NRXN3: variants seen among roughly 807,000 people sequenced by gnomAD.
The protein encoded by NRXN3 is neurexin 3, also known as neurexin III.
Under a neutral mutation model 137.6 loss-of-function variants are expected in NRXN3, and 32 were observed. That is an observed-to-expected ratio of 0.23 (90% CI 0.18 to 0.31). The LOEUF (loss-of-function observed/expected upper bound fraction) is 0.31, where lower values mean the gene tolerates loss of function less well. NRXN3 is among the 10% of genes least tolerant of loss of function. The pLI is 1.00. For missense variants in NRXN3, 1,574 were observed against 2,062.5 expected, an observed-to-expected ratio of 0.76 and a Z score of 4.59; for synonymous variants, 798 against 784.5, an observed-to-expected ratio of 1.02 and a Z score of -0.29.
At chr14:79,648,413 G>A (rs1328953818) in intron 16 of NRXN3, among the ~76,000 whole-genome samples, 1 of 134,944 alleles carries the variant, frequency 7.4e-6, no homozygotes, top group Non-Finnish European at 1.7e-5. Flanking sequence ...AGCTGTTCAC[G>A]AGAGATCTGA....
At chr14:79,257,106 G>A (rs941358068) in intron 15 of NRXN3, among the ~76,000 whole-genome samples, 4 of 152,122 alleles carry the variant, frequency 2.6e-5, no homozygotes, top group African/African-American at 9.7e-5. Context: ...CTGGGAAGAA[G>A]GTGGTAGGCT....
rs541054958 is a variant in NRXN3 at position 78,651,273 on chromosome 14, G to A, written c.1168G>A (p.Ala390Thr). The A allele has an allele frequency of 1.7e-5, 27 of 1,614,030 alleles. No individual in the cohort carries two copies. The highest frequency in any genetic ancestry group is 6.7e-5 in the Admixed American group (4 of 60,024). ...CTATGTAGGAGGAAGCCCAAGTACC[G>A]CTGACTTGCCTGGCTCCCCTGTCAG... is the stretch of plus-strand genomic sequence containing the variant. ...FFYVGGSPST[A>T]DLPGSPVSNN... Residue 390 changes from alanine (A) to threonine (T), a missense_variant, in exon 6 of 21, where the codon GCT becomes ACT. Around this residue, in one of 5 missense-constraint regions of NRXN3, gnomAD observed 400 missense variants for 527.3 expected, o/e 0.76. Transcript: ENST00000335750.
At chr14:79,502,139 C>T (rs1176702959) in intron 16 of NRXN3, among the ~76,000 whole-genome samples, 1 of 152,154 alleles carries the variant, frequency 6.6e-6, no homozygotes, top group Non-Finnish European at 1.5e-5. Context: ...GCATGATCAT[C>T]ACAAAGAATT....
intron 15 of NRXN3, among the ~76,000 whole-genome samples, chr14:79,373,599 A>G (rs2094175532): frequency 6.6e-6 from 1 of 152,206 alleles, no homozygotes; most frequent in East Asian, 1.9e-4. Flanking sequence ...TTTCAATAAT[A>G]TACGGTTCAG....
At chr14:79,684,840 G>A (rs1434779206) in intron 17 of NRXN3, among the ~76,000 whole-genome samples, 2 of 152,074 alleles carry the variant, frequency 1.3e-5, no homozygotes, top group Non-Finnish European at 2.9e-5. Flanking sequence ...GGAGGAAGAG[G>A]GTAGATAGAA....
At chr14:78,909,892 C>A (rs997310004) in intron 10 of NRXN3, among the ~76,000 whole-genome samples, 1 of 152,080 alleles carries the variant, frequency 6.6e-6, no homozygotes, top group Non-Finnish European at 1.5e-5. Context: ...ATCTGTCAAT[C>A]TGTCTACACA....
intron 15 of NRXN3, among the ~76,000 whole-genome samples, chr14:79,345,175 C>A (rs1266602713): frequency 6.6e-6 from 1 of 152,006 alleles, no homozygotes; most frequent in African/African-American, 2.4e-5. Context: ...GCCTTGTGGT[C>A]TCTGTGGCAC....
intron 4 of NRXN3, among the ~76,000 whole-genome samples, chr14:78,602,055 C>A (rs2152437439): frequency 6.6e-6 from 1 of 152,262 alleles, no homozygotes; most frequent in Non-Finnish European, 1.5e-5. Flanking sequence ...ATTTGCTGTT[C>A]TGCATGCATC....
intron 8 of NRXN3, among the ~76,000 whole-genome samples, chr14:78,794,606 TTG>T (rs144494895): frequency 0.036 from 5,331 of 146,292 alleles, 229 homozygotes; most frequent in African/African-American, 0.1. Flanking sequence ...TCTATTCTAT[TTG>T]TGTGTGTGTG....
chr14:79,698,801 C>T (rs1412239029), intron 19 of NRXN3, among the ~76,000 whole-genome samples: 1 of 151,984 alleles, frequency 6.6e-6, no homozygotes, highest in Admixed American at 6.6e-5. Flanking sequence ...AGTAGATTAG[C>T]ACTTGTCCTG....
intron 15 of NRXN3, among the ~76,000 whole-genome samples, chr14:79,109,082 G>A (rs2053001232): frequency 6.6e-6 from 1 of 152,176 alleles, no homozygotes; most frequent in African/African-American, 2.4e-5. Context: ...ATTCTTTTAA[G>A]TAATAGATGT....
intron 15 of NRXN3, among the ~76,000 whole-genome samples, chr14:79,022,666 C>G (rs2099591608): frequency 6.6e-6 from 1 of 152,136 alleles, no homozygotes; most frequent in African/African-American, 2.4e-5. Flanking sequence ...GTCCATGCCT[C>G]CCTGATGGAT....
Position 79,557,105 on chromosome 14 carries a change from C to A in NRXN3, c.3444+89703C>A, listed in dbSNP as rs113800745. ...AGTTGGCTGGGCTTGGCTTGACTCC[C>A]CCTTAGCTCTCTCTATAAAAGCAAT... On this transcript the variant is annotated intron_variant, in intron 16 of 20. Transcript: ENST00000335750. 8.4e-4 allele frequency among the ~76,000 whole-genome samples: 128 copies of A among 152,080 alleles called. 2 individuals are homozygous for A. In the Middle Eastern group the frequency reaches 0.017, roughly 20 times the overall value.
chr14:78,575,024 G>T (rs185657241), intron 4 of NRXN3, among the ~76,000 whole-genome samples: 1 of 152,284 alleles, frequency 6.6e-6, no homozygotes, highest in African/African-American at 2.4e-5. Flanking sequence ...CTGCCATGCT[G>T]TTTTCATGAT....
intron 4 of NRXN3, among the ~76,000 whole-genome samples, chr14:78,530,089 C>G (rs1241025947): frequency 5.9e-5 from 9 of 152,138 alleles, no homozygotes; most frequent in Admixed American, 5.9e-4. Flanking sequence ...CATTTCATAG[C>G]AAAATCATGA....
At chr14:79,663,231 TGTGTGTGTGTGTACGC>T (rs2098542702) in intron 16 of NRXN3, among the ~76,000 whole-genome samples, 1 of 149,932 alleles carries the variant, frequency 6.7e-6, no homozygotes, top group Middle Eastern at 3.2e-3. Flanking sequence ...ATTATGTGCA[TGTGTGTGTGTGTACGC>T]GTGTGTGTGT....
intron 1 of NRXN3, among the ~76,000 whole-genome samples, chr14:78,185,766 C>T (rs1314865392): frequency 6.6e-6 from 1 of 152,172 alleles, no homozygotes; most frequent in Non-Finnish European, 1.5e-5. Flanking sequence ...ATGACTTGTC[C>T]ACCAGCCACT....
At chr14:79,857,214 C>T (rs998404528) in intron 20 of NRXN3, among the ~76,000 whole-genome samples, 1 of 126,512 alleles carries the variant, frequency 7.9e-6, no homozygotes, top group African/African-American at 3.1e-5. Context: ...CACCAAACTA[C>T]TTTTTTGTTT....
At chr14:78,207,226 C>G (rs546753581) in intron 1 of NRXN3, among the ~76,000 whole-genome samples, 1 of 152,140 alleles carries the variant, frequency 6.6e-6, no homozygotes, top group Non-Finnish European at 1.5e-5. Context: ...GTGTTTGTTT[C>G]TTAAAGCCTG....
Sources: gnomAD v4.1 joint callset for allele counts (sites outside exome capture counted in the v4.1 genomes callset) on GRCh38, gnomAD v4.1.1 for gene constraint, gnomAD v4.1.1 regional missense constraint, MANE v1.5 for transcripts, NCBI Gene and HGNC (gene_info 2026-07-23, HGNC 2026-07-21) for gene names.